TCN1: variants seen among roughly 807,000 people sequenced by gnomAD.
TCN1 encodes the protein transcobalamin-1.
In TCN1, 47 loss-of-function variants were observed where a neutral mutation model predicts 46.3. The ratio of observed to expected loss-of-function variants is 1.01; its 90% CI spans 0.80 to 1.29. The LOEUF (loss-of-function observed/expected upper bound fraction) is 1.29. TCN1 is among the 50% of genes most tolerant of loss of function. The pLI, the probability that TCN1 is intolerant of heterozygous loss-of-function variation, is 0.00. For missense variants in TCN1, 532 were observed against 511.0 expected, an observed-to-expected ratio of 1.04 and a Z score of -0.40; for synonymous variants, 183 against 192.5, an observed-to-expected ratio of 0.95 and a Z score of 0.41.
At chr11:59,853,084 A>C (rs769835294) in intron 8 of TCN1, 48 bp from the exon 9 acceptor site, 2 of 1,606,162 alleles carry the variant, frequency 1.2e-6, no homozygotes, top group South Asian at 2.2e-5. Context: ...TTGGCCACTA[A>C]ATCACCAAAT....
chr11:59,856,969 G>A (rs185072358), intron 5 of TCN1, among the ~76,000 whole-genome samples: 41 of 152,172 alleles, frequency 2.7e-4, no homozygotes, highest in African/African-American at 9.2e-4. Flanking sequence ...AAGGTGGGTC[G>A]GACTTGAACA....
At position 59,864,007 on chromosome 11, in the gene TCN1, G is replaced by T. The variant is rs200361212; in HGVS notation, c.159C>A (p.Ser53Arg). ...TGAGGGACAACACAACATTGACAGC[G>T]CTGGTTCCCCTGTTATAGTTTGACT... ...MIQSNYNRGT[S>R]AVNVVLSLKL... Residue 53 changes from serine to arginine, a missense_variant, in exon 2 of 9, where the codon AGC becomes AGA. By Grantham distance (110) the Ser-to-Arg change is moderately radical (BLOSUM62 -1). Transcript: ENST00000257264. 1.1e-4 allele frequency: 182 copies of T among 1,613,806 alleles called. No individual in the cohort carries two copies. The highest frequency in any genetic ancestry group is 4.2e-6 in the Non-Finnish European group (5 of 1,179,848).
At chr11:59,866,348 G>A (rs1853075253) in intron 1 of TCN1, 44 bp downstream of exon 1, 1 of 1,584,700 alleles carries the variant, frequency 6.3e-7, no homozygotes, top group Admixed American at 1.7e-5. Flanking sequence ...ACAGTTTTCA[G>A]TAGACTATCA....
At chr11:59,863,351 T>C (rs1853037593) in intron 2 of TCN1, among the ~76,000 whole-genome samples, 1 of 152,090 alleles carries the variant, frequency 6.6e-6, no homozygotes, top group Non-Finnish European at 1.5e-5. Context: ...TTTTTCTTTG[T>C]GGTACCAGCT....
chr11:59,859,806 A>G (rs144558052), intron 4 of TCN1, among the ~76,000 whole-genome samples: 13 of 152,232 alleles, frequency 8.5e-5, no homozygotes, highest in Non-Finnish European at 1.2e-4. Context: ...AGTACTTAAC[A>G]TAGGGTCAAT....
At chr11:59,854,876 T>C (rs1852914049) in intron 6 of TCN1, 41 bp from the exon 7 acceptor site, 13 of 1,611,096 alleles carry the variant, frequency 8.1e-6, no homozygotes, top group Non-Finnish European at 1.1e-5. Context: ...TTCAGAAAAA[T>C]AAAAATGATA....
chr11:59,854,306 G>C (rs910618551), intron 7 of TCN1, among the ~76,000 whole-genome samples: 2 of 151,374 alleles, frequency 1.3e-5, no homozygotes, highest in East Asian at 3.8e-4. Context: ...ACATTCACTT[G>C]ATTTTCAAAG....
intron 5 of TCN1, among the ~76,000 whole-genome samples, chr11:59,858,009 A>C (rs1396903632): frequency 1.3e-5 from 2 of 152,184 alleles, no homozygotes; most frequent in Non-Finnish European, 2.9e-5. Flanking sequence ...TAAATATACT[A>C]TGTTTTTTCC....
At chr11:59,862,812 T>C (rs1240010960) in intron 2 of TCN1, 90 bp from the exon 3 acceptor site, 40 of 1,451,496 alleles carry the variant, frequency 2.8e-5, no homozygotes, top group Non-Finnish European at 2.8e-5. Flanking sequence ...TGCCTATCAC[T>C]TTTTTCTTCT....
rs1487944311 is a variant in TCN1, at chr11:59,862,854, T to A, written c.260-132A>T. 4.0e-6 allele frequency: 4 copies of A among 1,002,388 alleles called. No individual in the cohort carries two copies. In the South Asian group the frequency reaches 5.5e-5, roughly 14 times the overall value. The allele number at this position is 1,002,388 out of a possible 1,614,324, so 62.1% of individuals were successfully genotyped here. A position where few individuals can be genotyped will look rare whatever the true frequency, so the allele number is the denominator to read the frequency against. On this transcript the variant is annotated intron_variant, in intron 2 of 8. Coordinates refer to ENST00000257264, the MANE Select transcript of TCN1 (RefSeq NM_001062.4). ...CTCTATACAGTCTTGTGTCGCTTAATGATAGGGATAAATTCTGAGAAACTG... is the reference window on the plus strand; with the variant it reads ...CTCTATACAGTCTTGTGTCGCTTAAAGATAGGGATAAATTCTGAGAAACTG...
chr11:59,853,283 G>GT lies in TCN1; in HGVS notation c.1159dup (p.Thr387AsnfsTer11). On this transcript the variant is annotated frameshift_variant, in exon 8 of 9. Coordinates refer to ENST00000257264, the MANE Select transcript of TCN1 (RefSeq NM_001062.4). LOFTEE classifies it high-confidence loss of function. ...GTTGGCACATAGGCCCTGAATACAG[G>GT]TGATATAGGGCCCCCATGAGCGCTC... The GT allele has an allele frequency of 1.2e-6, 2 of 1,614,122 alleles. No homozygotes were observed. The highest frequency in any genetic ancestry group is 1.7e-6 in the Non-Finnish European group (2 of 1,180,004).
Position 59,863,978 on chromosome 11 carries a change from A to T in TCN1, c.188T>A (p.Leu63His), listed in dbSNP as rs1180162912. The T allele has an allele frequency of 6.2e-7, 1 of 1,613,750 alleles. No individual in the cohort carries two copies. The highest frequency in any genetic ancestry group is 1.3e-5 in the African/African-American group (1 of 74,798). Residue 63 changes from leucine to histidine, a missense_variant, in exon 2 of 9, where the codon CTT (leucine) becomes CAT (histidine). Leu to His is a moderately conservative substitution (Grantham distance 99). Transcript: ENST00000257264. ...CAGGGTTTGGATCTGGATTCCAACA[A>T]GTTTGAGGGACAACACAACATTGAC... ...SAVNVVLSLK[L>H]VGIQIQTLMQ...
At chr11:59,857,679 C>T (rs1054685922) in intron 5 of TCN1, among the ~76,000 whole-genome samples, 1 of 151,648 alleles carries the variant, frequency 6.6e-6, no homozygotes, top group Non-Finnish European at 1.5e-5. Flanking sequence ...TGTAAACCTT[C>T]CTTGATCGCT....
chr11:59,854,492 A>G (rs887494146), intron 7 of TCN1, among the ~76,000 whole-genome samples, 160 bp downstream of exon 7: 1 of 152,096 alleles, frequency 6.6e-6, no homozygotes, highest in African/African-American at 2.4e-5. Context: ...GAAATACCTC[A>G]CCTCCTATTT....
chr11:59,856,127 T>C, intron 5 of TCN1, 69 bp from the exon 6 acceptor site: 1 of 1,293,486 alleles, frequency 7.7e-7, no homozygotes, highest in Non-Finnish European at 1.1e-6. Flanking sequence ...TATGAGACAC[T>C]TCAAATAAGG....
In TCN1 at chr11:59,859,127, T is replaced by C. The variant is rs148979201; in HGVS notation, c.697A>G (p.Lys233Glu). ...SLVEKILSEK[K>E]ENGLIGNTFS... is the part of the protein sequence containing the mutation. ...GTGTTTCCAATGAGACCATTTTCTTTTTTCTCAGACAGAATCTTTTCTACC... is the reference window on the plus strand; with the variant it reads ...GTGTTTCCAATGAGACCATTTTCTTCTTTCTCAGACAGAATCTTTTCTACC... The change falls in exon 5 of 9, where the codon AAA becomes GAA. Residue 233 changes from lysine to glutamate, a missense_variant. Physicochemically the swap from Lys to Glu is moderately conservative, Grantham distance 56. Transcript: ENST00000257264. 1.9e-6 allele frequency: 3 copies of C among 1,614,088 alleles called. No homozygotes were observed. The highest frequency in any genetic ancestry group is 2.5e-6 in the Non-Finnish European group (3 of 1,180,040).
Position 59,863,955 on chromosome 11 carries a change from G to T in TCN1, c.211C>A (p.Leu71Met). Residue 71 changes from leucine (L) to methionine (M), a missense_variant, in exon 2 of 9, where the codon CTG becomes ATG. Coordinates refer to ENST00000257264, the MANE Select transcript of TCN1 (RefSeq NM_001062.4). ...LKLVGIQIQT[L>M]MQKMIQQIKY... ...ATTTGTTGGATCATCTTTTGCATCAGGGTTTGGATCTGGATTCCAACAAGT... is the reference window on the plus strand; with the variant it reads ...ATTTGTTGGATCATCTTTTGCATCATGGTTTGGATCTGGATTCCAACAAGT... 2 of 1,613,900 alleles carry T rather than the reference G, an allele frequency of 1.2e-6. No homozygotes were observed. Among genetic ancestry groups the T allele is most frequent in the Non-Finnish European group, 1.7e-6 (2 of 1,179,842 alleles).
At chr11:59,855,466 C>T (rs1264327403) in intron 6 of TCN1, among the ~76,000 whole-genome samples, 4 of 152,204 alleles carry the variant, frequency 2.6e-5, no homozygotes, top group Non-Finnish European at 5.9e-5. Context: ...TTTTTGAATA[C>T]TGGCATATCA....
At chr11:59,855,832 G>GA in intron 6 of TCN1, 37 bp downstream of exon 6, 1 of 1,611,430 alleles carries the variant, frequency 6.2e-7, no homozygotes. Context: ...GTGCTATGGT[G>GA]AAAAGCGAAA....
Sources: gnomAD v4.1 joint callset for allele counts (sites outside exome capture counted in the v4.1 genomes callset) on GRCh38, gnomAD v4.1.1 for gene constraint, MANE v1.5 for transcripts, NCBI Gene and HGNC (gene_info 2026-07-23, HGNC 2026-07-21) for gene names.